The following PISD variants were observed in gnomAD, a reference collection of about 807,000 sequenced individuals.
PISD encodes the protein phosphatidylserine decarboxylase, also known as phosphatidylserine decarboxylase proenzyme, mitochondrial.
PISD carries 31 observed loss-of-function variants against 43.5 expected under a neutral mutation model. The ratio of observed to expected loss-of-function variants is 0.71; its 90% CI spans 0.54 to 0.96. PISD has a LOEUF of 0.96. Ranked by LOEUF, PISD falls within the 40% of genes least tolerant of loss-of-function variation. PISD has a pLI of 0.00. For synonymous variants in PISD, 259 were observed against 228.7 expected, an observed-to-expected ratio of 1.13 and a Z score of -1.20; for missense variants, 523 against 548.4, an observed-to-expected ratio of 0.95 and a Z score of 0.46.
chr22:31,637,167 ATATATATATATATATATATAT>A (rs2073520086), intron 3 of PISD, among the ~76,000 whole-genome samples: 3 of 19,222 alleles, frequency 1.6e-4, no homozygotes, highest in South Asian at 2.9e-3. Context: ...AAAAAAAAAT[ATATATATATATATATATATAT>A]ATATATATAT....
chr22:31,620,937 T>G, intron 6 of PISD, 59 bp downstream of exon 6: 1 of 1,542,430 alleles, frequency 6.5e-7, no homozygotes, highest in South Asian at 1.2e-5. Flanking sequence ...ACCAAGAAGC[T>G]GAGAGCCTCT....
intron 3 of PISD, chr22:31,625,866 T>C (rs1197890304): frequency 6.4e-7 from 1 of 1,558,814 alleles, no homozygotes; most frequent in Non-Finnish European, 8.7e-7. Flanking sequence ...CTCCCTTTGT[T>C]TTCCTCTTTC....
chr22:31,645,784 G>A (rs547232269), intron 3 of PISD, among the ~76,000 whole-genome samples: 3 of 149,074 alleles, frequency 2.0e-5, no homozygotes, highest in Middle Eastern at 3.4e-3. Flanking sequence ...TTGAACCGGG[G>A]AGGCGGAGGT....
chr22:31,625,674 C>T, intron 3 of PISD: 1 of 1,505,112 alleles, frequency 6.6e-7, no homozygotes, highest in East Asian at 2.5e-5. Context: ...GCCGCCACCT[C>T]TACTGCGAGG....
intron 3 of PISD, among the ~76,000 whole-genome samples, chr22:31,637,240 G>C (rs1195376048): frequency 6.0e-5 from 8 of 133,274 alleles, no homozygotes; most frequent in African/African-American, 1.1e-4. Flanking sequence ...GTGCACGCCA[G>C]TAATTCCAGC....
At chr22:31,648,648 C>T (rs1056967445) in intron 2 of PISD, among the ~76,000 whole-genome samples, 1 of 147,214 alleles carries the variant, frequency 6.8e-6, no homozygotes, top group African/African-American at 2.5e-5. Flanking sequence ...GCCTAGGTAA[C>T]AGAGCGAGAC....
chr22:31,643,224 T>C (rs2073789952), intron 3 of PISD, among the ~76,000 whole-genome samples: 1 of 152,196 alleles, frequency 6.6e-6, no homozygotes, highest in Non-Finnish European at 1.5e-5. Flanking sequence ...TGTCCCCTGT[T>C]TTCCAACATT....
At position 31,619,298 on chromosome 22, in the gene PISD, G is replaced by T; in HGVS notation, c.*314C>A. Reference sequence around the variant, plus strand: ...GACAACCGAGACCAACTGAAGGTTCGGTCAGGAATGCAGGCTCTTCCGTCT... The same window carrying T: ...GACAACCGAGACCAACTGAAGGTTCTGTCAGGAATGCAGGCTCTTCCGTCT... On this transcript the variant is annotated 3_prime_UTR_variant, in exon 8 of 8. Coordinates refer to ENST00000439502, the MANE Select transcript of PISD (RefSeq NM_001326411.2). The T allele has an allele frequency of 2.8e-6, 1 of 361,380 alleles. No individual in the cohort carries two copies. The highest frequency in any genetic ancestry group is 2.3e-5 in the South Asian group (1 of 43,602). 22.4% of individuals were successfully genotyped at this position (361,380 alleles called of 1,614,324 possible). A position where few individuals can be genotyped will look rare whatever the true frequency, so the allele number is the denominator to read the frequency against.
intron 3 of PISD, among the ~76,000 whole-genome samples, chr22:31,622,844 G>A (rs2072658917): frequency 1.3e-5 from 2 of 152,250 alleles, no homozygotes; most frequent in South Asian, 4.1e-4. Flanking sequence ...GAAGCTGCCT[G>A]TAATTGGTGG....
At chr22:31,636,489 A>C (rs1007783507) in intron 3 of PISD, among the ~76,000 whole-genome samples, 3 of 152,122 alleles carry the variant, frequency 2.0e-5, no homozygotes, top group African/African-American at 7.2e-5. Context: ...CAGCCTCCCA[A>C]GTAGCTGGGA....
At chr22:31,639,876 A>T (rs1034064146) in intron 3 of PISD, among the ~76,000 whole-genome samples, 3 of 152,138 alleles carry the variant, frequency 2.0e-5, no homozygotes, top group Non-Finnish European at 4.4e-5. Flanking sequence ...CCAAGTGAAC[A>T]CTCAGGCCAA....
intron 1 of PISD, among the ~76,000 whole-genome samples, chr22:31,659,394 A>C (rs192745777): frequency 6.6e-6 from 1 of 151,910 alleles, no homozygotes; most frequent in Admixed American, 6.6e-5. Flanking sequence ...TCCCTTCTCT[A>C]TGGTCCGTTG....
chr22:31,640,890 T>TTTTGTTTTTTTG (rs2073696990), intron 3 of PISD, among the ~76,000 whole-genome samples: 2 of 87,522 alleles, frequency 2.3e-5, no homozygotes, highest in East Asian at 7.0e-4. Flanking sequence ...GTTTTTTTTT[T>TTTTGTTTTTTTG]TTTTTTTTTT....
intron 1 of PISD, among the ~76,000 whole-genome samples, chr22:31,654,681 G>T (rs1275407760): frequency 6.6e-6 from 1 of 152,148 alleles, no homozygotes; most frequent in Non-Finnish European, 1.5e-5. Flanking sequence ...GTGAACCAAT[G>T]AAATCTGAGG....
intron 3 of PISD, among the ~76,000 whole-genome samples, chr22:31,637,424 C>T (rs902125542): frequency 4.6e-5 from 7 of 151,316 alleles, no homozygotes; most frequent in Admixed American, 6.6e-5. Flanking sequence ...TACATATTTA[C>T]CATTAAAAAT....
intron 6 of PISD, 132 bp from the exon 7 acceptor site, chr22:31,620,845 C>A: frequency 1.4e-6 from 2 of 1,387,556 alleles, no homozygotes; most frequent in Non-Finnish European, 2.0e-6. Context: ...CTGGGCCCCA[C>A]GGTCCCCTGC....
At chr22:31,623,490 C>T (rs979799936) in intron 3 of PISD, among the ~76,000 whole-genome samples, 3 of 152,206 alleles carry the variant, frequency 2.0e-5, no homozygotes, top group East Asian at 1.9e-4. Context: ...CGCAGTCACC[C>T]GCGGCCCAGG....
chr22:31,645,883 A>C (rs1487939783), intron 3 of PISD, among the ~76,000 whole-genome samples: 1 of 150,918 alleles, frequency 6.6e-6, no homozygotes, highest in African/African-American at 2.4e-5. Flanking sequence ...AAAGAAAAAC[A>C]AAACAAATAA....
intron 2 of PISD, 71 bp from the exon 3 acceptor site, chr22:31,648,347 C>A: frequency 4.4e-6 from 6 of 1,368,074 alleles, no homozygotes; most frequent in Non-Finnish European, 6.0e-6. Flanking sequence ...AACACAGCAC[C>A]AACAGGAGGG....
Sources: gnomAD v4.1 joint callset for allele counts (sites outside exome capture counted in the v4.1 genomes callset) on GRCh38, gnomAD v4.1.1 for gene constraint, MANE v1.5 for transcripts, NCBI Gene and HGNC (gene_info 2026-07-23, HGNC 2026-07-21) for gene names.